MACROD2: variants seen among roughly 807,000 people sequenced by gnomAD.
The protein encoded by MACROD2 is ADP-ribose glycohydrolase MACROD2.
Under a neutral mutation model 70.4 loss-of-function variants are expected in MACROD2, and 36 were observed. The observed-to-expected ratio is 0.51, with a 90% confidence interval of 0.39 to 0.68. MACROD2 has a LOEUF of 0.68. MACROD2 is among the 30% of genes least tolerant of loss of function. MACROD2 has a pLI of 0.00. For synonymous variants in MACROD2, 172 were observed against 178.8 expected (o/e 0.96, Z 0.30); for missense variants, 496 against 538.4 (o/e 0.92, Z 0.78).
Position 14,962,438 on chromosome 20 carries a change from A to G in MACROD2, c.419-267502A>G, listed in dbSNP as rs2074591785. Among the ~76,000 whole-genome samples the G allele has an allele frequency of 3.5e-5, 5 of 143,906 alleles. No individual in the cohort carries two copies. The South Asian group carries it at 8.3e-4, about 24-fold the overall frequency. 94.4% of individuals were successfully genotyped at this position (143,906 alleles called of 152,430 possible). A position where few individuals can be genotyped will look rare whatever the true frequency, so the allele number is the denominator to read the frequency against. On this transcript the variant is annotated intron_variant, in intron 5 of 17. Transcript: ENST00000684519. ...CTCAGCCTCTCAAGTACACACACAT[A>G]TATATAGTATTTATATATATATATA... is the stretch of plus-strand genomic sequence containing the variant.
intron 5 of MACROD2, among the ~76,000 whole-genome samples, chr20:15,061,358 G>A (rs1032210420): frequency 2.0e-5 from 3 of 152,158 alleles, no homozygotes; most frequent in Non-Finnish European, 4.4e-5. Flanking sequence ...GCCCTTGGTG[G>A]CATCACTCAA....
chr20:15,523,718 G>A (rs1334370013), intron 8 of MACROD2, among the ~76,000 whole-genome samples: 1 of 152,180 alleles, frequency 6.6e-6, no homozygotes, highest in Admixed American at 6.5e-5. Context: ...AGACTGGGGG[G>A]TGAAAACCTG....
chr20:14,641,904 A>G (rs1985118992), intron 4 of MACROD2, among the ~76,000 whole-genome samples: 1 of 152,170 alleles, frequency 6.6e-6, no homozygotes, highest in Non-Finnish European at 1.5e-5. Flanking sequence ...TAAAATCATC[A>G]GCTGCATTAG....
At chr20:14,208,602 T>C (rs930370519) in intron 3 of MACROD2, among the ~76,000 whole-genome samples, 1 of 152,194 alleles carries the variant, frequency 6.6e-6, no homozygotes, top group Non-Finnish European at 1.5e-5. Context: ...CAAACTACAC[T>C]GTAGAGTTTC....
intron 3 of MACROD2, among the ~76,000 whole-genome samples, chr20:14,467,304 C>G (rs560370236): frequency 5.3e-5 from 8 of 151,990 alleles, no homozygotes; most frequent in Non-Finnish European, 1.0e-4. Context: ...TAGCAATGAG[C>G]GAGGTTCCGT....
intron 5 of MACROD2, among the ~76,000 whole-genome samples, chr20:15,022,414 G>T (rs545193713): frequency 3.4e-4 from 51 of 152,186 alleles, no homozygotes; most frequent in African/African-American, 1.2e-3. Context: ...GTTTTTATTG[G>T]TGGTAGACTT....
intron 8 of MACROD2, among the ~76,000 whole-genome samples, chr20:15,780,641 G>A (rs1486895856): frequency 6.6e-6 from 1 of 152,116 alleles, no homozygotes. Flanking sequence ...TCTAACTATT[G>A]TTTGATGAAT....
intron 3 of MACROD2, among the ~76,000 whole-genome samples, chr20:14,190,929 G>A (rs992304413): frequency 6.6e-6 from 1 of 151,134 alleles, no homozygotes; most frequent in Non-Finnish European, 1.5e-5. Context: ...GGATGGTCTC[G>A]ATCTCCTGAC....
intron 8 of MACROD2, among the ~76,000 whole-genome samples, chr20:15,861,540 A>G (rs534330284): frequency 4.6e-5 from 7 of 152,300 alleles, no homozygotes; most frequent in Middle Eastern, 3.4e-3. Context: ...GAAGGCAGTT[A>G]TAAGGGCTGC....
chr20:15,811,643 T>C (rs1421390993), intron 8 of MACROD2, among the ~76,000 whole-genome samples: 1 of 152,180 alleles, frequency 6.6e-6, no homozygotes, highest in Admixed American at 6.6e-5. Flanking sequence ...TCTTTTTTTT[T>C]TCCCCAGACA....
chr20:15,643,654 A>G (rs1311253926), intron 8 of MACROD2, among the ~76,000 whole-genome samples: 1 of 152,246 alleles, frequency 6.6e-6, no homozygotes, highest in Non-Finnish European at 1.5e-5. Flanking sequence ...TGAATGAATG[A>G]ATTTATAAAT....
At chr20:15,143,374 G>C (rs1314011516) in intron 5 of MACROD2, among the ~76,000 whole-genome samples, 1 of 152,048 alleles carries the variant, frequency 6.6e-6, no homozygotes, top group Admixed American at 6.5e-5. Flanking sequence ...TTTTTTTCTT[G>C]TAAATTTGCT....
At chr20:14,109,311 T>A (rs2054415550) in intron 3 of MACROD2, among the ~76,000 whole-genome samples, 3 of 151,008 alleles carry the variant, frequency 2.0e-5, no homozygotes, top group Non-Finnish European at 3.0e-5. Flanking sequence ...GAAGAAAAAC[T>A]TCAAATAAAT....
chr20:15,526,293 T>A (rs2047720836), intron 8 of MACROD2, among the ~76,000 whole-genome samples: 1 of 152,204 alleles, frequency 6.6e-6, no homozygotes, highest in Non-Finnish European at 1.5e-5. Context: ...ATATCTGATC[T>A]TTTGAAACAA....
chr20:14,067,123 G>GTTTTGT (rs2053771478), intron 2 of MACROD2, among the ~76,000 whole-genome samples: 1 of 85,048 alleles, frequency 1.2e-5, no homozygotes, highest in Non-Finnish European at 2.3e-5. Flanking sequence ...ATTTTTTAGT[G>GTTTTGT]TTTTTTTTTT....
intron 5 of MACROD2, among the ~76,000 whole-genome samples, chr20:15,160,671 T>C (rs1232811094): frequency 6.6e-6 from 1 of 152,124 alleles, no homozygotes; most frequent in Admixed American, 6.6e-5. Flanking sequence ...TGCTTTTCAG[T>C]TTGGATAAGG....
chr20:14,894,226 T>C (rs1448969450), intron 5 of MACROD2: 1 of 152,048 alleles, frequency 6.6e-6, no homozygotes, highest in Non-Finnish European at 1.5e-5. Flanking sequence ...ACCCCTACTT[T>C]TTTTTTGTTT....
intron 4 of MACROD2, among the ~76,000 whole-genome samples, chr20:14,594,180 C>T (rs1319923014): frequency 1.3e-5 from 2 of 152,174 alleles, no homozygotes; most frequent in East Asian, 1.9e-4. Context: ...TTTTCCTCTA[C>T]CCTCTTCAAC....
At chr20:15,445,635 G>A (rs1490123256) in intron 7 of MACROD2, among the ~76,000 whole-genome samples, 1 of 152,130 alleles carries the variant, frequency 6.6e-6, no homozygotes, top group African/African-American at 2.4e-5. Flanking sequence ...TTAGCTTACA[G>A]AGGGAAAAAG....
Sources: gnomAD v4.1 joint callset for allele counts (sites outside exome capture counted in the v4.1 genomes callset) on GRCh38, gnomAD v4.1.1 for gene constraint, MANE v1.5 for transcripts, NCBI Gene and HGNC (gene_info 2026-07-23, HGNC 2026-07-21) for gene names.